ERLIN1: variants seen among roughly 807,000 people sequenced by gnomAD.
The protein encoded by ERLIN1 is ER lipid raft associated 1, also known as erlin-1.
A neutral mutation model predicts 46.9 loss-of-function variants in ERLIN1; 24 were observed. That is an observed-to-expected ratio of 0.51 (90% CI 0.37 to 0.72). The LOEUF is 0.72. Among genes scored for constraint, ERLIN1 ranks in the 30% least tolerant of loss-of-function variants. The pLI is 0.00. For missense variants in ERLIN1, 293 were observed against 417.9 expected, an observed-to-expected ratio of 0.70 and a Z score of 2.61; for synonymous variants, 158 against 143.2, an observed-to-expected ratio of 1.10 and a Z score of -0.74.
At chr10:100,172,440 G>A (rs1268609392) in intron 6 of ERLIN1, among the ~76,000 whole-genome samples, 1 of 151,674 alleles carries the variant, frequency 6.6e-6, no homozygotes, top group African/African-American at 2.4e-5. Context: ...CATAAATAAC[G>A]TGTGTGTATA....
In ERLIN1 at chr10:100,172,355, C is replaced by T. The variant is rs182817266; in HGVS notation, c.504+1853G>A. 1.6e-4 allele frequency among the ~76,000 whole-genome samples: 24 copies of T among 152,258 alleles called. No individual in the cohort carries two copies. The East Asian group carries it at 2.5e-3, about 16-fold the overall frequency. On this transcript the variant is annotated intron_variant, in intron 6 of 10. Coordinates refer to ENST00000421367, the MANE Select transcript of ERLIN1 (RefSeq NM_006459.4). ...AGAAAGATATAACAAATGATGTTAT[C>T]CCTGCATAATAAGATTACTGGTGAA...
intron 6 of ERLIN1, among the ~76,000 whole-genome samples, chr10:100,168,780 A>G (rs1474839696): frequency 6.6e-6 from 1 of 151,720 alleles, no homozygotes; most frequent in Non-Finnish European, 1.5e-5. Context: ...CCCAGGTTCA[A>G]GCGATTCTTC....
At chr10:100,165,510 C>T (rs1006360342) in intron 7 of ERLIN1, among the ~76,000 whole-genome samples, 3 of 151,808 alleles carry the variant, frequency 2.0e-5, no homozygotes, top group African/African-American at 7.3e-5. Context: ...CCTCAGCCTC[C>T]CGAGTAGCTG....
At chr10:100,163,743 A>AAAC (rs1315451898) in intron 8 of ERLIN1, among the ~76,000 whole-genome samples, 1 of 152,228 alleles carries the variant, frequency 6.6e-6, no homozygotes, top group Non-Finnish European at 1.5e-5. Context: ...AGCTGCCTAT[A>AAAC]AACCCTATCC....
intron 8 of ERLIN1, among the ~76,000 whole-genome samples, chr10:100,158,252 C>T (rs553162560): frequency 6.6e-6 from 1 of 152,204 alleles, no homozygotes. Context: ...TCTTCTCTAC[C>T]TAGCCACATC....
chr10:100,175,829 A>G, intron 5 of ERLIN1, 116 bp downstream of exon 5: 1 of 771,676 alleles, frequency 1.3e-6, no homozygotes, highest in Non-Finnish European at 1.9e-6. Context: ...TTGCTCTATG[A>G]TAAATTCAGA....
intron 10 of ERLIN1, among the ~76,000 whole-genome samples, chr10:100,153,765 G>A (rs1842927132): frequency 6.6e-6 from 1 of 152,176 alleles, no homozygotes; most frequent in Admixed American, 6.5e-5. Flanking sequence ...TCAATGGCAA[G>A]GTCTTGAAAC....
intron 7 of ERLIN1, among the ~76,000 whole-genome samples, chr10:100,165,079 T>G (rs1032776200): frequency 3.3e-5 from 5 of 152,180 alleles, no homozygotes; most frequent in Admixed American, 1.3e-4. Context: ...TTACTAAGCA[T>G]GTACAAGTAG....
chr10:100,169,643 T>C (rs1843875582), intron 6 of ERLIN1, among the ~76,000 whole-genome samples: 1 of 151,694 alleles, frequency 6.6e-6, no homozygotes, highest in African/African-American at 2.4e-5. Flanking sequence ...AGACTACATA[T>C]TGAACAGCAT....
At position 100,178,005 on chromosome 10, in the gene ERLIN1, G is replaced by C. The variant is rs1046031099; in HGVS notation, c.304+128C>G. 4 of 665,268 alleles carry C rather than the reference G, an allele frequency of 6.0e-6. No homozygotes were observed. The African/African-American group carries it at 7.3e-5, about 12-fold the overall frequency. 41.2% of individuals were successfully genotyped at this position (665,268 alleles called of 1,614,324 possible). A position where few individuals can be genotyped will look rare whatever the true frequency, so the allele number is the denominator to read the frequency against. ...GACCTATTTTTGCCTCTATTCCCCA[G>C]AAATTTATTAATCAGTGATCAATGA... On this transcript the variant is annotated intron_variant, in intron 4 of 10. Transcript: ENST00000421367.
chr10:100,163,923 C>G, intron 8 of ERLIN1, 81 bp downstream of exon 8: 1 of 874,420 alleles, frequency 1.1e-6, no homozygotes, highest in South Asian at 1.5e-5. Context: ...TACTGAGTCC[C>G]ATGATACCCA....
At chr10:100,166,478 A>G (rs1843648840) in intron 7 of ERLIN1, among the ~76,000 whole-genome samples, 1 of 152,144 alleles carries the variant, frequency 6.6e-6, no homozygotes, top group Non-Finnish European at 1.5e-5. Flanking sequence ...ATGAGCTCAG[A>G]GAAGGTATGA....
At chr10:100,183,691 C>T in intron 2 of ERLIN1, 65 bp downstream of exon 2, 1 of 1,054,810 alleles carries the variant, frequency 9.5e-7, no homozygotes, top group Non-Finnish European at 1.4e-6. Context: ...TCTCCACCCA[C>T]AAGTGTGGTA....
At chr10:100,167,481 C>G in intron 6 of ERLIN1, 75 bp from the exon 7 acceptor site, 1 of 1,212,704 alleles carries the variant, frequency 8.2e-7, no homozygotes, top group East Asian at 2.4e-5. Context: ...ACAGAAAAGC[C>G]CCTCAAATGA....
intron 2 of ERLIN1, among the ~76,000 whole-genome samples, chr10:100,181,138 TA>T (rs1486120683): frequency 6.6e-6 from 1 of 152,234 alleles, no homozygotes; most frequent in African/African-American, 2.4e-5. Flanking sequence ...CGTTCCTATT[TA>T]AACCAAAAGG....
At chr10:100,178,020 G>A in intron 4 of ERLIN1, 113 bp downstream of exon 4, 3 of 703,960 alleles carry the variant, frequency 4.3e-6, no homozygotes, top group Non-Finnish European at 7.2e-6. Flanking sequence ...TTATTAATCA[G>A]TGATCAATGA....
At chr10:100,174,826 T>C (rs1844199928) in intron 5 of ERLIN1, among the ~76,000 whole-genome samples, 1 of 152,196 alleles carries the variant, frequency 6.6e-6, no homozygotes, top group South Asian at 2.1e-4. Flanking sequence ...GAGAAGCTCA[T>C]AGAAAAGTAT....
intron 1 of ERLIN1, 62 bp downstream of exon 1, chr10:100,185,452 T>C: frequency 3.9e-6 from 5 of 1,289,622 alleles, no homozygotes; most frequent in Non-Finnish European, 5.6e-6. Flanking sequence ...CTTCCCAGAC[T>C]CCACTCTGGA....
chr10:100,152,409 T>C (rs1334730612), intron 10 of ERLIN1, 57 bp from the exon 11 acceptor site: 2 of 962,884 alleles, frequency 2.1e-6, no homozygotes, highest in Non-Finnish European at 3.4e-6. Flanking sequence ...AACAGTCTTC[T>C]CTCTCCCTAT....
Sources: gnomAD v4.1 joint callset for allele counts (sites outside exome capture counted in the v4.1 genomes callset) on GRCh38, gnomAD v4.1.1 for gene constraint, MANE v1.5 for transcripts, NCBI Gene and HGNC (gene_info 2026-07-23, HGNC 2026-07-21) for gene names.